SCN9A: variants seen among roughly 807,000 people sequenced by gnomAD.
SCN9A encodes the protein sodium channel protein type 9 subunit alpha.
In SCN9A, 131 loss-of-function variants were observed where a neutral mutation model predicts 187.0. The ratio of observed to expected loss-of-function variants is 0.70; its 90% CI spans 0.61 to 0.81. The LOEUF (loss-of-function observed/expected upper bound fraction) is 0.81, where lower values mean the gene tolerates loss of function less well. Ranked by LOEUF, SCN9A falls within the 30% of genes least tolerant of loss-of-function variation. The pLI, the probability that SCN9A is intolerant of heterozygous loss-of-function variation, is 0.00. For missense variants in SCN9A, 2,252 were observed against 2,396.6 expected (o/e 0.94, Z 1.26); for synonymous variants, 809 against 808.6 (o/e 1.00, Z -0.01).
At chr2:166,269,775 AG>A (rs1178561752) in intron 17 of SCN9A, among the ~76,000 whole-genome samples, 1 of 152,116 alleles carries the variant, frequency 6.6e-6, no homozygotes, top group African/African-American at 2.4e-5. Context: ...AAAAATGAAC[AG>A]GTAAGAAATA....
At chr2:166,356,334 ACATT>A (rs578090160) in intron 1 of SCN9A, among the ~76,000 whole-genome samples, 1 of 152,184 alleles carries the variant, frequency 6.6e-6, no homozygotes, top group Admixed American at 6.5e-5. Flanking sequence ...TTTGCAAAAA[ACATT>A]CATTCATTCA....
intron 16 of SCN9A, among the ~76,000 whole-genome samples, chr2:166,276,157 G>GA (rs897196385): frequency 2.0e-5 from 3 of 149,992 alleles, no homozygotes; most frequent in Non-Finnish European, 4.4e-5. Context: ...GTATAAGGAA[G>GA]AAAAAAAATA....
chr2:166,228,667 G>A (rs1434839734), intron 22 of SCN9A, 24 bp downstream of exon 22: 2 of 1,567,056 alleles, frequency 1.3e-6, no homozygotes, highest in Non-Finnish European at 1.7e-6. Flanking sequence ...AAAATACCAA[G>A]CACTCATGAA....
Position 166,204,084 on chromosome 2 carries a change from A to G in SCN9A, c.4645T>C (p.Trp1549Arg), listed in dbSNP as rs202084411. The G allele has an allele frequency of 2.4e-3, 3,847 of 1,612,768 alleles. 15 individuals carry two copies. The highest frequency in any genetic ancestry group is 5.7e-3 in the South Asian group (518 of 91,044). ...AGGATTATAAAAACCACATTTATCC[A>G]ATATAAAACTTCAGTCATATGTTGA... is the stretch of plus-strand genomic sequence containing the variant. ...QSQHMTEVLYWINVVFIILFT... is the reference protein window; with the variant it reads ...QSQHMTEVLYRINVVFIILFT... Residue 1549 changes from tryptophan to arginine, a missense_variant, in exon 26 of 27, where the codon TGG becomes CGG. Around this residue, in one of 7 missense-constraint regions of SCN9A, gnomAD observed 368 missense variants for 408.6 expected, o/e 0.90. Transcript: ENST00000642356.
Position 166,242,518 on chromosome 2 carries a change from A to C in SCN9A, c.3611T>G (p.Leu1204Arg). 1 of 1,597,046 alleles carries C rather than the reference A, an allele frequency of 6.3e-7. No individual in the cohort carries two copies. The highest frequency in any genetic ancestry group is 8.5e-7 in the Non-Finnish European group (1 of 1,171,254). The change falls in exon 19 of 27, where the codon CTC becomes CGC. Residue 1204 changes from leucine (L) to arginine (R), a missense_variant. Leu to Arg is a moderately radical substitution (Grantham distance 102). Transcript: ENST00000642356. ...ATCATTTACCAGGGCACCACTGCTG[A>C]GCAGGATCATGAGGACAATGAAGCT... Reference protein sequence around the residue: ...FESFIVLMILLSSGALAFEDI... With the variant: ...FESFIVLMILRSSGALAFEDI...
chr2:166,363,159 TTAC>T (rs1335107026), intron 1 of SCN9A, among the ~76,000 whole-genome samples: 2 of 150,014 alleles, frequency 1.3e-5, no homozygotes, highest in African/African-American at 4.8e-5. Context: ...ATAAGTGACT[TTAC>T]TAAAAATTAA....
chr2:166,243,367 G>A (rs939266788), intron 18 of SCN9A, among the ~76,000 whole-genome samples: 6 of 151,974 alleles, frequency 3.9e-5, no homozygotes, highest in South Asian at 2.1e-4. Flanking sequence ...TTTCCTCAGT[G>A]AATTTATGTT....
At position 166,238,254 on chromosome 2, in the gene SCN9A, A is replaced by G. The variant is rs778019802; in HGVS notation, c.3641T>C (p.Ile1214Thr). The stretch of plus-strand genomic sequence containing the variant: ...AATGGTCTTTTTCCTTTCAATATAA[A>G]TATCTTCAAAAGCCTGTGGAAATAA... ...LSSGALAFEDIYIERKKTIKI... is the reference protein window; with the variant it reads ...LSSGALAFEDTYIERKKTIKI... The change falls in exon 20 of 27, where the codon ATT (isoleucine) becomes ACT (threonine). Residue 1214 changes from isoleucine to threonine, a missense_variant. By Grantham distance (89) the Ile-to-Thr change is moderately conservative (BLOSUM62 -1). Transcript: ENST00000642356. 1.3e-6 allele frequency: 2 copies of G among 1,568,926 alleles called. No individual in the cohort carries two copies. The highest frequency in any genetic ancestry group is 8.6e-7 in the Non-Finnish European group (1 of 1,157,280).
intron 26 of SCN9A, among the ~76,000 whole-genome samples, chr2:166,200,992 C>A (rs554717756): frequency 6.6e-6 from 1 of 152,076 alleles, no homozygotes; most frequent in South Asian, 2.1e-4. Flanking sequence ...AAAATGACAA[C>A]GAAATAATTT....
intron 24 of SCN9A, among the ~76,000 whole-genome samples, chr2:166,219,723 TTAAAA>T (rs1006113502): frequency 2.6e-5 from 4 of 151,984 alleles, no homozygotes; most frequent in African/African-American, 4.8e-5. Flanking sequence ...ACCCCTGAAC[TTAAAA>T]TAAAAGTCAA....
At chr2:166,211,153 T>C (rs1694073622) in intron 24 of SCN9A, among the ~76,000 whole-genome samples, 1 of 152,132 alleles carries the variant, frequency 6.6e-6, no homozygotes, top group Non-Finnish European at 1.5e-5. Context: ...AGAAAAAAAC[T>C]GAATTGTCAT....
Position 166,305,895 on chromosome 2 carries a change from A to C in SCN9A, c.493T>G (p.Phe165Val), listed in dbSNP as rs1449516394. The C allele has an allele frequency of 6.2e-7, 1 of 1,613,218 alleles. No homozygotes were observed. The highest frequency in any genetic ancestry group is 1.1e-5 in the South Asian group (1 of 91,034). Residue 165 changes from phenylalanine to valine, a missense_variant, in exon 5 of 27, where the codon TTT becomes GTT. This residue lies in a region of SCN9A where 1,013 missense variants were observed against 997.4 expected (regional missense o/e 1.02). Transcript: ENST00000642356. ...GCAAGGATTTTTACAAGTGATTCAA[A>C]AGTATATATTCCAGTAAAAGTGTAC... ...VEYTFTGIYT[F>V]ESLVKILARG...
intron 1 of SCN9A, among the ~76,000 whole-genome samples, chr2:166,354,102 TA>T (rs1350124960): frequency 6.6e-6 from 1 of 151,388 alleles, no homozygotes; most frequent in Non-Finnish European, 1.5e-5. Flanking sequence ...TTCAAACATT[TA>T]CAATAATCCA....
chr2:166,358,984 C>T (rs1285061330), intron 1 of SCN9A, among the ~76,000 whole-genome samples: 1 of 152,110 alleles, frequency 6.6e-6, no homozygotes, highest in Non-Finnish European at 1.5e-5. Context: ...ACATGACTAC[C>T]CAGGTGTCCC....
intron 1 of SCN9A, among the ~76,000 whole-genome samples, chr2:166,364,953 A>T (rs1220491305): frequency 6.6e-6 from 1 of 152,180 alleles, no homozygotes; most frequent in Non-Finnish European, 1.5e-5. Context: ...CCCTGACAAC[A>T]TGCGGTGTCT....
At chr2:166,326,283 G>T (rs992764376) in intron 1 of SCN9A, among the ~76,000 whole-genome samples, 2 of 152,138 alleles carry the variant, frequency 1.3e-5, no homozygotes, top group African/African-American at 2.4e-5. Context: ...GAAAGTCAAA[G>T]GTGCGAAACG....
intron 24 of SCN9A, among the ~76,000 whole-genome samples, chr2:166,225,990 T>A (rs1694827836): frequency 6.6e-6 from 1 of 152,174 alleles, no homozygotes; most frequent in African/African-American, 2.4e-5. Context: ...CTCAGGTTTG[T>A]ATTATCCTGT....
chr2:166,267,943 T>A (rs1464852072), intron 17 of SCN9A, among the ~76,000 whole-genome samples: 1 of 152,008 alleles, frequency 6.6e-6, no homozygotes, highest in Non-Finnish European at 1.5e-5. Flanking sequence ...ATTCAAAGGA[T>A]ATGATCCAGA....
At chr2:166,237,521 G>T (rs1695371072) in intron 20 of SCN9A, among the ~76,000 whole-genome samples, 2 of 152,026 alleles carry the variant, frequency 1.3e-5, no homozygotes. Flanking sequence ...AGACAATTGT[G>T]TCTCATTTTG....
Sources: gnomAD v4.1 joint callset for allele counts (sites outside exome capture counted in the v4.1 genomes callset) on GRCh38, gnomAD v4.1.1 for gene constraint, gnomAD v4.1.1 regional missense constraint, MANE v1.5 for transcripts, NCBI Gene and HGNC (gene_info 2026-07-23, HGNC 2026-07-21) for gene names.